The following GC variants were observed in gnomAD, a reference collection of about 807,000 sequenced individuals.
The protein encoded by GC is vitamin D-binding protein.
Under a neutral mutation model 56.7 loss-of-function variants are expected in GC, and 43 were observed. The ratio of observed to expected loss-of-function variants is 0.76; its 90% CI spans 0.59 to 0.98. The LOEUF is 0.98. GC is among the 50% of genes least tolerant of loss of function. GC has a pLI of 0.00. For missense variants in GC, 529 were observed against 545.9 expected, an observed-to-expected ratio of 0.97 and a Z score of 0.31; for synonymous variants, 216 against 202.7, an observed-to-expected ratio of 1.07 and a Z score of -0.56.
intron 1 of GC, among the ~76,000 whole-genome samples, chr4:71,792,294 C>T (rs1164934335): frequency 2.0e-5 from 3 of 152,158 alleles, no homozygotes; most frequent in Non-Finnish European, 4.4e-5. Flanking sequence ...AGTGTAAAAG[C>T]ATTCCTATTT....
chr4:71,777,669 C>A (rs1011903443), intron 1 of GC, among the ~76,000 whole-genome samples: 116 of 150,296 alleles, frequency 7.7e-4, no homozygotes, highest in African/African-American at 2.7e-3. Flanking sequence ...ACATTTGCAG[C>A]AGAACTGATA....
rs1042019868 is a variant in GC, at chr4:71,769,562, C to G, written c.59-162G>C. 582 of 570,106 alleles carry G rather than the reference C, an allele frequency of 1.0e-3. 1 individual carries two copies. Among genetic ancestry groups the G allele is most frequent in the Non-Finnish European group, 1.2e-3 (392 of 319,208 alleles). 35.3% of individuals were successfully genotyped at this position (570,106 alleles called of 1,614,324 possible). On this transcript the variant is annotated intron_variant, in intron 1 of 12. Transcript: ENST00000273951. ...TTTTGGGGGCCTTTCTAGCTCTTCT[C>G]TCATAACAGGCCACAATTTTATGAC... is the stretch of plus-strand genomic sequence containing the variant.
intron 12 of GC, among the ~76,000 whole-genome samples, chr4:71,742,338 C>T (rs1741209465): frequency 6.6e-6 from 1 of 152,140 alleles, no homozygotes; most frequent in Admixed American, 6.6e-5. Context: ...AATTCGTCTC[C>T]CTTAATTTTT....
chr4:71,760,119 C>T (rs1209604207), intron 6 of GC, among the ~76,000 whole-genome samples: 3 of 148,218 alleles, frequency 2.0e-5, no homozygotes, highest in Admixed American at 6.8e-5. Flanking sequence ...TCTTGGCTTA[C>T]TGCAAGCTCT....
In GC at chr4:71,745,146, G is replaced by T. The variant is rs569903743; in HGVS notation, c.*25+1005C>A. ...CAATCATTGTAACAACACTGTGAGG[G>T]AGATATGGAAATTTTCATTTTACAT... is the stretch of plus-strand genomic sequence containing the variant. On this transcript the variant is annotated intron_variant, in intron 12 of 12. Transcript: ENST00000273951. Among the ~76,000 whole-genome samples, 30 of 152,232 alleles carry T rather than the reference G, an allele frequency of 2.0e-4. 1 individual carries two copies. Among genetic ancestry groups the T allele is most frequent in the Admixed American group, 1.9e-3 (29 of 15,296 alleles).
At chr4:71,781,552 A>C (rs918120292) in intron 1 of GC, among the ~76,000 whole-genome samples, 1 of 151,770 alleles carries the variant, frequency 6.6e-6, no homozygotes. Flanking sequence ...CATTAAGGTA[A>C]CTTTTCTATC....
intron 1 of GC, among the ~76,000 whole-genome samples, chr4:71,778,037 T>C (rs1312633210): frequency 6.8e-6 from 1 of 147,650 alleles, no homozygotes. Context: ...AGTTTATATA[T>C]ATATAAAAAA....
chr4:71,750,278 G>A (rs1741503513), intron 11 of GC, among the ~76,000 whole-genome samples: 1 of 152,146 alleles, frequency 6.6e-6, no homozygotes, highest in Non-Finnish European at 1.5e-5. Flanking sequence ...ATTTATAGAA[G>A]AATGTTCTCA....
chr4:71,764,245 G>T (rs1742085492), intron 4 of GC, among the ~76,000 whole-genome samples: 1 of 152,084 alleles, frequency 6.6e-6, no homozygotes, highest in Non-Finnish European at 1.5e-5. Context: ...GCCTCTCAAA[G>T]TGCTAGGATT....
chr4:71,747,243 C>T (rs951259021), intron 11 of GC, among the ~76,000 whole-genome samples: 1 of 152,030 alleles, frequency 6.6e-6, no homozygotes, highest in Non-Finnish European at 1.5e-5. Flanking sequence ...AGAAGAGAGT[C>T]CTAGACAGTT....
intron 6 of GC, among the ~76,000 whole-genome samples, chr4:71,761,022 A>C (rs899517414): frequency 5.3e-5 from 8 of 152,192 alleles, no homozygotes; most frequent in Admixed American, 2.0e-4. Flanking sequence ...AAGATACCCG[A>C]AAATGTGGAA....
In GC at chr4:71,741,979, G is replaced by A. The variant is rs1578273538; in HGVS notation, c.*26-109C>T. ...AAACTCATGCTATTTTAATATTTAT[G>A]CCAAAAATGACTCTGTCTAGGATGA... On this transcript the variant is annotated intron_variant, in intron 12 of 12. Transcript: ENST00000273951. 1.3e-5 allele frequency: 9 copies of A among 688,026 alleles called. No homozygotes were observed. In the Middle Eastern group the frequency reaches 1.7e-3, roughly 129 times the overall value. 42.6% of individuals were successfully genotyped at this position (688,026 alleles called of 1,614,324 possible). A position where few individuals can be genotyped will look rare whatever the true frequency, so the allele number is the denominator to read the frequency against.
At chr4:71,770,150 T>C (rs1450515741) in intron 1 of GC, among the ~76,000 whole-genome samples, 2 of 152,106 alleles carry the variant, frequency 1.3e-5, no homozygotes, top group Non-Finnish European at 2.9e-5. Context: ...TGGACAGGTG[T>C]CTGATTCAGG....
intron 1 of GC, among the ~76,000 whole-genome samples, chr4:71,773,767 A>G (rs143732113): frequency 2.6e-5 from 4 of 152,104 alleles, no homozygotes; most frequent in African/African-American, 9.6e-5. Context: ...CTGTTTTCCT[A>G]TTGTGTTCTG....
At chr4:71,758,324 T>C (rs1170336143) in intron 6 of GC, among the ~76,000 whole-genome samples, 153 bp from the exon 7 acceptor site, 1 of 152,194 alleles carries the variant, frequency 6.6e-6, no homozygotes, top group Non-Finnish European at 1.5e-5. Context: ...ATAGATCTTA[T>C]GTACCCAAGC....
upstream of GC, among the ~76,000 whole-genome samples, chr4:71,785,551 C>T (rs578064301): frequency 8.6e-5 from 13 of 151,648 alleles, no homozygotes; most frequent in South Asian, 2.7e-3. Context: ...AAATAGAGTC[C>T]AGCTAGTTGG....
chr4:71,796,466 C>A (rs1743109169), intron 1 of GC, among the ~76,000 whole-genome samples: 1 of 152,320 alleles, frequency 6.6e-6, no homozygotes, highest in East Asian at 1.9e-4. Context: ...GCCACTGAAG[C>A]TTGTAGATGC....
At chr4:71,791,585 T>TA (rs1212843124) in intron 1 of GC, among the ~76,000 whole-genome samples, 8 of 152,112 alleles carry the variant, frequency 5.3e-5, no homozygotes, top group African/African-American at 9.7e-5. Flanking sequence ...TTTATTTACT[T>TA]ATTCTTTGAT....
upstream of GC, chr4:71,784,321 A>G: frequency 9.3e-7 from 1 of 1,072,214 alleles, no homozygotes; most frequent in Non-Finnish European, 1.1e-6. Flanking sequence ...AGGTATATAG[A>G]TTATTTTCCA....
Sources: gnomAD v4.1 joint callset for allele counts (sites outside exome capture counted in the v4.1 genomes callset) on GRCh38, gnomAD v4.1.1 for gene constraint, MANE v1.5 for transcripts, NCBI Gene and HGNC (gene_info 2026-07-23, HGNC 2026-07-21) for gene names.